The following HEG1 variants were observed in gnomAD, a reference collection of about 807,000 sequenced individuals.
The protein encoded by HEG1 is protein HEG homolog 1.
A neutral mutation model predicts 125.6 loss-of-function variants in HEG1; 56 were observed. The observed-to-expected ratio is 0.45, with a 90% CI of 0.36 to 0.56. The LOEUF is 0.56. Among genes scored for constraint, HEG1 ranks in the 20% least tolerant of loss-of-function variants. The pLI is 0.00. For synonymous variants in HEG1, 644 were observed against 668.5 expected (o/e 0.96, Z 0.57); for missense variants, 1,523 against 1,670.0 (o/e 0.91, Z 1.53).
At chr3:125,036,838 A>G (rs559181577) in intron 1 of HEG1, among the ~76,000 whole-genome samples, 15 of 152,384 alleles carry the variant, frequency 9.8e-5, no homozygotes, top group African/African-American at 3.1e-4. Context: ...GTACTTTCAT[A>G]CGATATTGGT....
intron 1 of HEG1, among the ~76,000 whole-genome samples, chr3:125,035,090 G>A (rs1187531665): frequency 6.6e-6 from 1 of 152,128 alleles, no homozygotes; most frequent in Non-Finnish European, 1.5e-5. Flanking sequence ...TCAGCCTCCT[G>A]AGTAGCTGAG....
chr3:125,013,851 T>G lies in HEG1; in HGVS notation c.1728A>C (p.Ser576=). 6.2e-7 allele frequency: 1 copy of G among 1,613,914 alleles called. No individual in the cohort carries two copies. Among genetic ancestry groups the G allele is most frequent in the Non-Finnish European group, 8.5e-7 (1 of 1,179,874 alleles). ...RALLSITDNS[S]SSDIVESSTS... is the part of the protein sequence containing the mutation. ...TTGAGCTCTCCACAATGTCTGAGGA[T>G]GAACTGTTATCTGTAATGGACAGTA... Residue 576 remains serine, a synonymous_variant, in exon 6 of 17, where the codon TCA becomes TCC. Transcript: ENST00000311127.
At chr3:124,995,783 G>A (rs1030748780) in intron 12 of HEG1, among the ~76,000 whole-genome samples, 1 of 152,148 alleles carries the variant, frequency 6.6e-6, no homozygotes, top group Non-Finnish European at 1.5e-5. Flanking sequence ...GTCCTCACTT[G>A]GTCAACATAA....
chr3:124,994,468 C>G (rs1936884134), intron 12 of HEG1, among the ~76,000 whole-genome samples: 1 of 151,810 alleles, frequency 6.6e-6, no homozygotes, highest in East Asian at 1.9e-4. Flanking sequence ...GAATTCAAGT[C>G]TTCTGGACTT....
intron 5 of HEG1, among the ~76,000 whole-genome samples, chr3:125,018,858 T>C (rs1937291155): frequency 6.7e-6 from 1 of 148,558 alleles, no homozygotes; most frequent in Non-Finnish European, 1.5e-5. Context: ...ATTTCATTCA[T>C]GCATGCTTTT....
chr3:124,994,254 G>C (rs1297355878), intron 12 of HEG1, among the ~76,000 whole-genome samples: 1 of 152,212 alleles, frequency 6.6e-6, no homozygotes. Flanking sequence ...TGATGTGACA[G>C]GAGGCGGAAC....
At chr3:124,973,219 G>A (rs1256529844) in intron 16 of HEG1, among the ~76,000 whole-genome samples, 1 of 151,964 alleles carries the variant, frequency 6.6e-6, no homozygotes, top group Admixed American at 6.6e-5. Flanking sequence ...GGTTTCTGTA[G>A]AGACATGATT....
chr3:124,982,918 CCA>C (rs1936677922), intron 14 of HEG1, among the ~76,000 whole-genome samples: 1 of 152,144 alleles, frequency 6.6e-6, no homozygotes, highest in Non-Finnish European at 1.5e-5. Flanking sequence ...AGAGACCTCC[CCA>C]CCCCCAACCA....
At chr3:125,035,213 A>T (rs1287344964) in intron 1 of HEG1, among the ~76,000 whole-genome samples, 1 of 152,152 alleles carries the variant, frequency 6.6e-6, no homozygotes, top group African/African-American at 2.4e-5. Context: ...TGATCTGCCC[A>T]CCTCAGCCTC....
chr3:125,036,223 A>AAAAAAAAG (rs1204062921), intron 1 of HEG1, among the ~76,000 whole-genome samples: 1 of 149,526 alleles, frequency 6.7e-6, no homozygotes, highest in South Asian at 2.1e-4. Flanking sequence ...AAAAAAAAAA[A>AAAAAAAAG]AAAGAAAAGA....
intron 1 of HEG1, among the ~76,000 whole-genome samples, chr3:125,034,089 G>T (rs1465040645): frequency 8.9e-6 from 1 of 112,186 alleles, no homozygotes; most frequent in Non-Finnish European, 2.0e-5. Context: ...TAATGGGGCA[G>T]GGGCGGTCCT....
intron 14 of HEG1, among the ~76,000 whole-genome samples, chr3:124,979,106 T>C (rs907903924): frequency 3.9e-5 from 6 of 152,038 alleles, no homozygotes; most frequent in African/African-American, 1.4e-4. Flanking sequence ...CGTGCCACCA[T>C]GCCCTGCTAA....
chr3:125,043,253 G>T (rs1189630474), intron 1 of HEG1, among the ~76,000 whole-genome samples: 1 of 152,166 alleles, frequency 6.6e-6, no homozygotes, highest in Non-Finnish European at 1.5e-5. Context: ...CCAGACCCAG[G>T]GGAGGCCTGG....
intron 1 of HEG1, among the ~76,000 whole-genome samples, chr3:125,048,500 A>G (rs925990996): frequency 2.0e-5 from 3 of 152,240 alleles, no homozygotes; most frequent in Non-Finnish European, 4.4e-5. Flanking sequence ...TTGCTGCTAT[A>G]GGCAGGGGGA....
At position 125,012,819 on chromosome 3, in the gene HEG1, TAC is replaced by T; in HGVS notation, c.2758_2759del (p.Val920ThrfsTer39). 6.2e-7 allele frequency: 1 copy of T among 1,613,992 alleles called. No individual in the cohort carries two copies. Among genetic ancestry groups the T allele is most frequent in the Non-Finnish European group, 8.5e-7 (1 of 1,179,866 alleles). On this transcript the variant is annotated frameshift_variant, in exon 6 of 17. Coordinates refer to ENST00000311127, the MANE Select transcript of HEG1 (RefSeq NM_020733.2). LOFTEE classifies it high-confidence loss of function. ...ATTGLIPLTSVPTSAKEMTTK... is the reference protein window; with the variant it reads ...ATTGLIPLTSXPTSAKEMTTK... ...TGGTCATTTCTTTTGCTGATGTGGG[TAC>T]ACTGGTCAAAGGGATCAATCCAGTG...
intron 1 of HEG1, among the ~76,000 whole-genome samples, chr3:125,052,133 C>T (rs1420396595): frequency 6.7e-6 from 1 of 149,966 alleles, no homozygotes; most frequent in Non-Finnish European, 1.5e-5. Flanking sequence ...CTTGCCCCCT[C>T]CCGCCTCCCC....
chr3:125,044,795 A>G (rs1937637015), intron 1 of HEG1, among the ~76,000 whole-genome samples: 1 of 152,266 alleles, frequency 6.6e-6, no homozygotes, highest in Admixed American at 6.5e-5. Flanking sequence ...CAGAAAGGAC[A>G]GAGCTAGGCT....
At chr3:125,031,679 AT>A (rs1937503554) in intron 1 of HEG1, among the ~76,000 whole-genome samples, 2 of 102,806 alleles carry the variant, frequency 1.9e-5, no homozygotes, top group African/African-American at 7.1e-5. Context: ...ACATACATAC[AT>A]ACACACACAC....
intron 5 of HEG1, 64 bp from the exon 6 acceptor site, chr3:125,014,054 A>G: frequency 7.3e-7 from 1 of 1,372,892 alleles, no homozygotes; most frequent in South Asian, 1.5e-5. Flanking sequence ...AATATGCACT[A>G]TCAAACAGAC....
Sources: allele counts gnomAD v4.1 joint callset (sites outside exome capture counted in the v4.1 genomes callset), GRCh38; gene constraint gnomAD v4.1.1; transcripts MANE v1.5; gene names NCBI Gene and HGNC (gene_info 2026-07-23, HGNC 2026-07-21).